The following FAM110B variants were observed in gnomAD, a reference collection of about 807,000 sequenced individuals.
The protein encoded by FAM110B is family with sequence similarity 110 member B.
Under a neutral mutation model 20.4 loss-of-function variants are expected in FAM110B, and 6 were observed. The ratio of observed to expected loss-of-function variants is 0.29; its 90% CI spans 0.16 to 0.58. FAM110B has a LOEUF of 0.58. FAM110B is among the 20% of genes least tolerant of loss of function. FAM110B has a pLI of 0.90. For missense variants in FAM110B, 434 were observed against 498.2 expected, an observed-to-expected ratio of 0.87 and a Z score of 1.23; for synonymous variants, 226 against 214.1, an observed-to-expected ratio of 1.06 and a Z score of -0.49.
chr8:58,021,955 G>T (rs2150569792), intron 1 of FAM110B, among the ~76,000 whole-genome samples: 1 of 152,242 alleles, frequency 6.6e-6, no homozygotes, highest in South Asian at 2.1e-4. Flanking sequence ...CTATGGCCTG[G>T]CTCTAGCATT....
chr8:58,052,663 AG>A (rs1805470639), intron 2 of FAM110B, among the ~76,000 whole-genome samples: 2 of 151,152 alleles, frequency 1.3e-5, no homozygotes, highest in South Asian at 4.2e-4. Context: ...TGTATATTGC[AG>A]GGGTGGGATA....
intron 3 of FAM110B, among the ~76,000 whole-genome samples, chr8:58,143,882 T>C (rs1803796831): frequency 6.6e-6 from 1 of 152,222 alleles, no homozygotes; most frequent in Non-Finnish European, 1.5e-5. Context: ...ACAACTCATC[T>C]TCAGAGAGCG....
In FAM110B at chr8:58,073,527, C is replaced by G. The variant is rs142096346; in HGVS notation, c.-413-2008C>G. Among the ~76,000 whole-genome samples, 82 of 152,282 alleles carry G rather than the reference C, an allele frequency of 5.4e-4. 1 individual carries two copies. The East Asian group carries it at 0.015, about 28-fold the overall frequency. ...ATCATTTCTCTTCTCCCTGCTAACT[C>G]TTCTCAGAATACACATTAGGTTGTT... On this transcript the variant is annotated intron_variant, in intron 2 of 3. Transcript: ENST00000519262.
intron 2 of FAM110B, among the ~76,000 whole-genome samples, chr8:58,040,143 C>T (rs1805181531): frequency 6.6e-6 from 1 of 152,080 alleles, no homozygotes; most frequent in African/African-American, 2.4e-5. Flanking sequence ...GCTTCTTCGA[C>T]ATACTGTACC....
chr8:57,995,047 G>A (rs1205794075), intron 1 of FAM110B, among the ~76,000 whole-genome samples: 1 of 152,062 alleles, frequency 6.6e-6, no homozygotes, highest in Non-Finnish European at 1.5e-5. Flanking sequence ...GAGGCGCAGC[G>A]CCGCTGCCTG....
chr8:58,100,806 T>TATTG (rs1381326445), intron 3 of FAM110B: 1 of 152,174 alleles, frequency 6.6e-6, no homozygotes, highest in Non-Finnish European at 1.5e-5. Flanking sequence ...CATTCTGAGG[T>TATTG]ATTGGAGGTT....
At chr8:58,011,496 C>T (rs907048744) in intron 1 of FAM110B, among the ~76,000 whole-genome samples, 5 of 152,142 alleles carry the variant, frequency 3.3e-5, no homozygotes, top group Non-Finnish European at 7.3e-5. Flanking sequence ...CATTTTAATG[C>T]TAAAACCTCA....
At chr8:58,076,288 G>T (rs574732810) in intron 3 of FAM110B, among the ~76,000 whole-genome samples, 18 of 152,308 alleles carry the variant, frequency 1.2e-4, no homozygotes, top group Non-Finnish European at 2.2e-4. Flanking sequence ...CTCGGGGAAT[G>T]AGATGGTGGT....
At chr8:58,137,143 C>T (rs1803637584) in intron 3 of FAM110B, among the ~76,000 whole-genome samples, 1 of 152,154 alleles carries the variant, frequency 6.6e-6, no homozygotes, top group African/African-American at 2.4e-5. Flanking sequence ...TAGCACAGGC[C>T]GTATCACTTG....
At chr8:58,110,357 T>A (rs1355360041) in intron 3 of FAM110B, among the ~76,000 whole-genome samples, 1 of 152,194 alleles carries the variant, frequency 6.6e-6, no homozygotes, top group Admixed American at 6.5e-5. Flanking sequence ...TAGGATGTTA[T>A]TCTGCATTTT....
chr8:58,006,030 A>T (rs1284577285), intron 1 of FAM110B, among the ~76,000 whole-genome samples: 4 of 152,234 alleles, frequency 2.6e-5, no homozygotes, highest in African/African-American at 9.6e-5. Context: ...CCATTAGCAC[A>T]TGAAATCAAT....
In FAM110B at chr8:58,029,451, G is replaced by A. The variant is rs146336338; in HGVS notation, c.-511-2155G>A. 2.7e-3 allele frequency among the ~76,000 whole-genome samples: 418 copies of A among 152,236 alleles called. 2 individuals carry two copies. The highest frequency in any genetic ancestry group is 9.4e-3 in the African/African-American group (391 of 41,546). ...CTTTATCAGTGGGACAAAAGGCAGC[G>A]TATGCCCTTGATAACTTTTAACAGT... On this transcript the variant is annotated intron_variant, in intron 1 of 3. Transcript: ENST00000519262.
rs549261446 is a variant in FAM110B at position 58,098,126 on chromosome 8, G to T, written c.-325+22503G>T. ...CCAGCAGGCAGGAATGTTTAAGTCT[G>T]CTGAAGCTGCACCCACAGCCACCCC... On this transcript the variant is annotated intron_variant, in intron 3 of 3. Transcript: ENST00000519262. Among the ~76,000 whole-genome samples, 19 of 152,360 alleles carry T rather than the reference G, an allele frequency of 1.2e-4. No individual in the cohort carries two copies. In the South Asian group the frequency reaches 3.9e-3, roughly 32 times the overall value.
chr8:58,125,460 G>A (rs1045435322), intron 3 of FAM110B, among the ~76,000 whole-genome samples: 5 of 152,218 alleles, frequency 3.3e-5, no homozygotes, highest in South Asian at 4.1e-4. Flanking sequence ...GACATGAATC[G>A]TTTCATATGA....
At chr8:58,053,366 G>A (rs906105915) in intron 2 of FAM110B, among the ~76,000 whole-genome samples, 1 of 152,176 alleles carries the variant, frequency 6.6e-6, no homozygotes, top group Non-Finnish European at 1.5e-5. Context: ...GATAGAAAGA[G>A]GAACAGAAAT....
intron 3 of FAM110B, among the ~76,000 whole-genome samples, chr8:58,136,983 G>A (rs1033471546): frequency 1.1e-4 from 17 of 152,024 alleles, no homozygotes; most frequent in African/African-American, 3.9e-4. Context: ...TGTAATAATG[G>A]CTTTATTGTT....
intron 3 of FAM110B, chr8:58,113,123 C>T (rs1485083330): frequency 6.6e-6 from 1 of 152,222 alleles, no homozygotes; most frequent in Non-Finnish European, 1.5e-5. Flanking sequence ...TTAATCACCT[C>T]CCAAAGATCT....
intron 2 of FAM110B, among the ~76,000 whole-genome samples, chr8:58,046,356 T>C (rs1805320166): frequency 6.6e-6 from 1 of 152,210 alleles, no homozygotes; most frequent in Non-Finnish European, 1.5e-5. Flanking sequence ...TCAGAAATCA[T>C]TTGCACATAG....
At chr8:58,007,002 A>G (rs541272093) in intron 1 of FAM110B, among the ~76,000 whole-genome samples, 1 of 150,092 alleles carries the variant, frequency 6.7e-6, no homozygotes, top group Non-Finnish European at 1.5e-5. Context: ...CACCGCTGCC[A>G]TTTCCTAGCC....
Sources: allele counts gnomAD v4.1 joint callset (sites outside exome capture counted in the v4.1 genomes callset), GRCh38; gene constraint gnomAD v4.1.1; transcripts MANE v1.5; gene names NCBI Gene and HGNC (gene_info 2026-07-23, HGNC 2026-07-21).